CHST15: variants seen among roughly 807,000 people sequenced by gnomAD.
CHST15 encodes carbohydrate sulfotransferase 15.
Under a neutral mutation model 53.6 loss-of-function variants are expected in CHST15, and 30 were observed. That is an observed-to-expected ratio of 0.56 (90% confidence interval 0.42 to 0.76). CHST15 has a LOEUF of 0.76. Ranked by LOEUF, CHST15 falls within the 30% of genes least tolerant of loss-of-function variation. The pLI, the probability that CHST15 is intolerant of heterozygous loss-of-function variation, is 0.00. For missense variants in CHST15, 627 were observed against 740.5 expected (o/e 0.85, Z 1.78); for synonymous variants, 296 against 289.8 (o/e 1.02, Z -0.22).
At chr10:124,063,959 A>G (rs1310503980) in intron 1 of CHST15, among the ~76,000 whole-genome samples, 2 of 152,122 alleles carry the variant, frequency 1.3e-5, no homozygotes, top group African/African-American at 4.8e-5. Context: ...TGTAAACATG[A>G]TAATAAAAAA....
At chr10:124,065,835 A>G (rs990820258) in intron 1 of CHST15, among the ~76,000 whole-genome samples, 2 of 152,142 alleles carry the variant, frequency 1.3e-5, no homozygotes, top group African/African-American at 4.8e-5. Context: ...TAACCCTTTC[A>G]GGCAAATTTC....
intron 1 of CHST15, among the ~76,000 whole-genome samples, chr10:124,061,865 T>C (rs954483463): frequency 2.0e-5 from 3 of 152,060 alleles, no homozygotes; most frequent in Non-Finnish European, 4.4e-5. Flanking sequence ...AATGAGGCCA[T>C]AGGACCACAT....
intron 1 of CHST15, among the ~76,000 whole-genome samples, chr10:124,077,854 G>A (rs1158505959): frequency 1.3e-5 from 2 of 152,210 alleles, no homozygotes; most frequent in African/African-American, 2.4e-5. Context: ...AGGGAGGCAG[G>A]CACAGCTCAC....
intron 1 of CHST15, among the ~76,000 whole-genome samples, chr10:124,066,960 G>A (rs1948768190): frequency 6.6e-6 from 1 of 152,246 alleles, no homozygotes; most frequent in Non-Finnish European, 1.5e-5. Flanking sequence ...ACTAGGACCT[G>A]AGCCACCCGC....
In CHST15 at chr10:124,082,950, G is replaced by A. The variant is rs182255850; in HGVS notation, c.-513+10519C>T. Among the ~76,000 whole-genome samples, 36 of 152,282 alleles carry A rather than the reference G, an allele frequency of 2.4e-4. No individual in the cohort carries two copies. The East Asian group carries it at 5.0e-3, about 21-fold the overall frequency. ...TGTAGGGGAATGGGGAGATAAAGGGGTGATAGCTAAGGTGTACAAGATGTC... is the reference window on the plus strand; with the variant it reads ...TGTAGGGGAATGGGGAGATAAAGGGATGATAGCTAAGGTGTACAAGATGTC... On this transcript the variant is annotated intron_variant, in intron 1 of 7. Coordinates refer to ENST00000435907, the MANE Select transcript of CHST15 (RefSeq NM_001270764.2).
intron 1 of CHST15, among the ~76,000 whole-genome samples, chr10:124,080,595 GTTC>G (rs1306766825): frequency 6.6e-6 from 1 of 152,190 alleles, no homozygotes; most frequent in Non-Finnish European, 1.5e-5. Flanking sequence ...TCAATAAAGA[GTTC>G]TTTTCACTGG....
At position 124,054,236 on chromosome 10, in the gene CHST15, C is replaced by T. The variant is rs552870346; in HGVS notation, c.-512-7512G>A. On this transcript the variant is annotated intron_variant, in intron 1 of 7. Coordinates refer to ENST00000435907, the MANE Select transcript of CHST15 (RefSeq NM_001270764.2). ...CCTTCCTGATGACTGGGACACATCA[C>T]CCGTGCTTTGTCTAAAACAGGTATT... 1.6e-4 allele frequency among the ~76,000 whole-genome samples: 24 copies of T among 152,310 alleles called. No homozygotes were observed. In the East Asian group the frequency reaches 4.6e-3, roughly 29 times the overall value.
Position 124,044,684 on chromosome 10 carries a change from T to C in CHST15, c.782A>G (p.Gln261Arg). 1 of 1,613,754 alleles carries C rather than the reference T, an allele frequency of 6.2e-7. No homozygotes were observed. Among genetic ancestry groups the C allele is most frequent in the Non-Finnish European group, 8.5e-7 (1 of 1,179,862 alleles). Residue 261 changes from glutamine to arginine, a missense_variant, in exon 3 of 8, where the codon CAG becomes CGG. Coordinates refer to ENST00000435907, the MANE Select transcript of CHST15 (RefSeq NM_001270764.2). ...RCLPHFYIIG[Q>R]PKCGTTDLYD... ...GAGGTCTGTGGTCCCGCACTTGGGCTGCCCTATGATGTAGAAGTGCGGCAG... is the reference window on the plus strand; with the variant it reads ...GAGGTCTGTGGTCCCGCACTTGGGCCGCCCTATGATGTAGAAGTGCGGCAG...
At chr10:124,052,935 A>G (rs1002350082) in intron 1 of CHST15, among the ~76,000 whole-genome samples, 1 of 152,110 alleles carries the variant, frequency 6.6e-6, no homozygotes, top group African/African-American at 2.4e-5. Context: ...CAGGAGGCTG[A>G]GACAGGAGAA....
At position 124,044,742 on chromosome 10, in the gene CHST15, G is replaced by C. The variant is rs931640046; in HGVS notation, c.724C>G (p.His242Asp). 1 of 1,613,248 alleles carries C rather than the reference G, an allele frequency of 6.2e-7. No homozygotes were observed. Among genetic ancestry groups the C allele is most frequent in the Non-Finnish European group, 8.5e-7 (1 of 1,179,726 alleles). The change falls in exon 3 of 8, where the codon CAC (histidine) becomes GAC (aspartate). Residue 242 changes from histidine (H) to aspartate (D), a missense_variant. Physicochemically the swap from His to Asp is moderately conservative, Grantham distance 81 (BLOSUM62 -1). Coordinates refer to ENST00000435907, the MANE Select transcript of CHST15 (RefSeq NM_001270764.2). ...AGGCGGAAGTGCTTCCCGTGCGCGT[G>C]CGCCAGGTGGCCCCAGAAGGCCTTG... ...LRKAFWGHLA[H>D]AHGKHFRLRC...
In CHST15 at chr10:124,008,663, C is replaced by G; in HGVS notation, c.*1486G>C. 9.6e-7 allele frequency: 1 copy of G among 1,045,370 alleles called. No individual in the cohort carries two copies. The highest frequency in any genetic ancestry group is 1.7e-5 in the African/African-American group (1 of 59,440). 64.8% of individuals were successfully genotyped at this position (1,045,370 alleles called of 1,614,324 possible). A position where few individuals can be genotyped will look rare whatever the true frequency, so the allele number is the denominator to read the frequency against. ...GAACAACTGCAGATCCTCCTACCCC[C>G]GAAGCCTGGTCTGTCTCACACATAC... On this transcript the variant is annotated 3_prime_UTR_variant, in exon 8 of 8. Transcript: ENST00000435907.
At chr10:124,044,463 G>A in intron 3 of CHST15, 117 bp downstream of exon 3, 1 of 820,652 alleles carries the variant, frequency 1.2e-6, no homozygotes, top group Non-Finnish European at 1.8e-6. Flanking sequence ...TCCTAACAAG[G>A]GAATTGTGCC....
intron 1 of CHST15, among the ~76,000 whole-genome samples, chr10:124,084,916 C>A (rs992554827): frequency 6.6e-6 from 1 of 152,214 alleles, no homozygotes; most frequent in African/African-American, 2.4e-5. Flanking sequence ...CCGCCCTGAG[C>A]CGCTGCAGCT....
At position 124,009,641 on chromosome 10, in the gene CHST15, T is replaced by C. The variant is rs574507105; in HGVS notation, c.*508A>G. The C allele has an allele frequency of 1.0e-6, 1 of 994,950 alleles. No individual in the cohort carries two copies. The highest frequency in any genetic ancestry group is 1.7e-5 in the African/African-American group (1 of 57,272). 61.6% of individuals were successfully genotyped at this position (994,950 alleles called of 1,614,324 possible). ...GAGTGTTTCAGAAGTGAATGTGGTA[T>C]GATCACACCTGTGAAGATAGCCATT... On this transcript the variant is annotated 3_prime_UTR_variant, in exon 8 of 8. Transcript: ENST00000435907.
intron 5 of CHST15, among the ~76,000 whole-genome samples, chr10:124,038,176 G>A (rs1317527845): frequency 6.7e-6 from 1 of 148,610 alleles, no homozygotes; most frequent in Admixed American, 6.8e-5. Context: ...GCACCATCTT[G>A]GCCCACTGCA....
chr10:124,060,510 G>T (rs1948532233), intron 1 of CHST15, among the ~76,000 whole-genome samples: 1 of 140,080 alleles, frequency 7.1e-6, no homozygotes, highest in Non-Finnish European at 1.6e-5. Context: ...GGTGTGCCAG[G>T]CCCCCAGGGA....
At chr10:124,076,811 A>G (rs952532892) in intron 1 of CHST15, among the ~76,000 whole-genome samples, 2 of 150,306 alleles carry the variant, frequency 1.3e-5, no homozygotes, top group Non-Finnish European at 3.0e-5. Flanking sequence ...CCGGGTTCAC[A>G]CCATTCTCCT....
intron 2 of CHST15, among the ~76,000 whole-genome samples, chr10:124,045,131 A>ACAAAAC (rs1490936650): frequency 9.0e-6 from 1 of 111,664 alleles, no homozygotes; most frequent in Non-Finnish European, 2.0e-5. Context: ...AAAAAAAAAA[A>ACAAAAC]AAAAAAAAAA....
At chr10:124,030,307 C>A (rs966048206) in intron 5 of CHST15, among the ~76,000 whole-genome samples, 3 of 152,150 alleles carry the variant, frequency 2.0e-5, no homozygotes, top group Non-Finnish European at 4.4e-5. Context: ...GACCTCGTGC[C>A]GCTTCCAGGG....
Sources: allele counts gnomAD v4.1 joint callset (sites outside exome capture counted in the v4.1 genomes callset), GRCh38; gene constraint gnomAD v4.1.1; transcripts MANE v1.5; gene names NCBI Gene and HGNC (gene_info 2026-07-23, HGNC 2026-07-21).